The following TET1 variants were observed in gnomAD, a reference collection of about 807,000 sequenced individuals.
TET1 encodes tet methylcytosine dioxygenase 1.
TET1 carries 13 observed loss-of-function variants against 148.7 expected under a neutral mutation model. That is an observed-to-expected ratio of 0.09 (90% CI 0.06 to 0.14). The LOEUF is 0.14. TET1 is among the 10% of genes least tolerant of loss of function. The pLI, the probability that TET1 is intolerant of heterozygous loss-of-function variation, is 1.00. For missense variants in TET1, 2,182 were observed against 2,553.8 expected, an observed-to-expected ratio of 0.85 and a Z score of 3.14; for synonymous variants, 907 against 937.2, an observed-to-expected ratio of 0.97 and a Z score of 0.59.
chr10:68,643,591 CG>C, intron 3 of TET1, among the ~76,000 whole-genome samples: 1 of 152,028 alleles, frequency 6.6e-6, no homozygotes, highest in Non-Finnish European at 1.5e-5. Flanking sequence ...GAGGCTGAGG[CG>C]GGCAGATCAC....
At chr10:68,597,138 A>G (rs1003696383) in intron 2 of TET1, among the ~76,000 whole-genome samples, 2 of 146,864 alleles carry the variant, frequency 1.4e-5, no homozygotes, top group African/African-American at 5.1e-5. Flanking sequence ...GGTTCAAGTG[A>G]TCCTCCTGCC....
At chr10:68,654,972 A>G (rs1238014723) in intron 6 of TET1, among the ~76,000 whole-genome samples, 4 of 152,186 alleles carry the variant, frequency 2.6e-5, no homozygotes, top group Non-Finnish European at 5.9e-5. Flanking sequence ...AAATGTTTTC[A>G]TAACACAGCA....
At chr10:68,663,028 G>A (rs1487712922) in intron 6 of TET1, among the ~76,000 whole-genome samples, 1 of 152,192 alleles carries the variant, frequency 6.6e-6, no homozygotes, top group African/African-American at 2.4e-5. Context: ...CTTGAGGGTT[G>A]GAGAATTACC....
chr10:68,627,672 A>T (rs1192084515), intron 3 of TET1, among the ~76,000 whole-genome samples: 1 of 151,816 alleles, frequency 6.6e-6, no homozygotes, highest in Non-Finnish European at 1.5e-5. Context: ...TCACGCTGTA[A>T]TCCTAGCACT....
Position 68,574,167 on chromosome 10 carries a change from A to C in TET1, c.1829A>C (p.Lys610Thr). The change falls in exon 2 of 12, where the codon AAG becomes ACG. Residue 610 changes from lysine (K) to threonine (T), a missense_variant. Around this residue, in one of 11 missense-constraint regions of TET1, gnomAD observed 226 missense variants for 307.4 expected, o/e 0.74. Coordinates refer to ENST00000373644, the MANE Select transcript of TET1 (RefSeq NM_030625.3). ...AACTGTGGTGAATGCACTTACTGCA[A>C]GAACAGAAAGAACAGCCATCAGATC... The part of the protein sequence containing the change: ...KTNCGECTYC[K>T]NRKNSHQICK... The C allele has an allele frequency of 6.2e-7, 1 of 1,613,880 alleles. No homozygotes were observed. The highest frequency in any genetic ancestry group is 8.5e-7 in the Non-Finnish European group (1 of 1,180,038).
intron 2 of TET1, among the ~76,000 whole-genome samples, chr10:68,600,457 G>A (rs757520414): frequency 3.3e-5 from 5 of 152,170 alleles, no homozygotes; most frequent in Non-Finnish European, 7.3e-5. Flanking sequence ...TGTGGTGAGA[G>A]CCGAGCCGCA....
At position 68,595,386 on chromosome 10, in the gene TET1, G is replaced by A. The variant is rs550673261; in HGVS notation, c.1915-5595G>A. Reference sequence around the variant, plus strand: ...GGAGAGGAGAGCGCGGGACATATTGGAAGGAAATTGTGTTTCGGTCTTCAG... The same window carrying A: ...GGAGAGGAGAGCGCGGGACATATTGAAAGGAAATTGTGTTTCGGTCTTCAG... On this transcript the variant is annotated intron_variant, in intron 2 of 11. Transcript: ENST00000373644. 5.2e-4 allele frequency among the ~76,000 whole-genome samples: 79 copies of A among 152,084 alleles called. 1 individual carries two copies. In the South Asian group the frequency reaches 5.8e-3, roughly 11 times the overall value.
At chr10:68,669,474 C>CT (rs3085667) in intron 7 of TET1, among the ~76,000 whole-genome samples, 1,322 of 61,600 alleles carry the variant, frequency 0.021, 56 homozygotes, top group African/African-American at 0.075. Flanking sequence ...CCATGCCCAG[C>CT]TTTTTTTTTT....
In TET1 at chr10:68,626,718, T is replaced by G. The variant is rs571697029; in HGVS notation, c.1969-17980T>G. Reference sequence around the variant, plus strand: ...GGTATGCGCCACCACACCCAGCAATTTTTTTATATTTTTGGTAGAGACGGG... The same window carrying G: ...GGTATGCGCCACCACACCCAGCAATGTTTTTATATTTTTGGTAGAGACGGG... On this transcript the variant is annotated intron_variant, in intron 3 of 11. Transcript: ENST00000373644. 3.3e-5 allele frequency among the ~76,000 whole-genome samples: 5 copies of G among 151,498 alleles called. No individual in the cohort carries two copies. In the East Asian group the frequency reaches 9.8e-4, roughly 30 times the overall value.
chr10:68,615,147 G>A (rs1481773127), intron 3 of TET1, among the ~76,000 whole-genome samples: 1 of 151,912 alleles, frequency 6.6e-6, no homozygotes, highest in Non-Finnish European at 1.5e-5. Flanking sequence ...TGGCCAGGCT[G>A]GTCTCGAACT....
At chr10:68,587,606 C>A (rs986681558) in intron 2 of TET1, among the ~76,000 whole-genome samples, 2 of 152,024 alleles carry the variant, frequency 1.3e-5, no homozygotes, top group South Asian at 2.1e-4. Flanking sequence ...AACCAATAAC[C>A]TTTATTAATT....
At chr10:68,669,557 T>C (rs1300530947) in intron 7 of TET1, among the ~76,000 whole-genome samples, 1 of 146,158 alleles carries the variant, frequency 6.8e-6, no homozygotes, top group Admixed American at 7.0e-5. Context: ...GGTTTCACCA[T>C]GTTAGCCAGG....
chr10:68,632,145 C>A (rs540010888), intron 3 of TET1, among the ~76,000 whole-genome samples: 1 of 151,964 alleles, frequency 6.6e-6, no homozygotes, highest in African/African-American at 2.4e-5. Context: ...CATGGTGAAA[C>A]CCTGTCTCTA....
chr10:68,640,266 AT>A (rs530716761), intron 3 of TET1, among the ~76,000 whole-genome samples: 30 of 138,338 alleles, frequency 2.2e-4, no homozygotes, highest in East Asian at 6.3e-4. Flanking sequence ...TCTACCTTAA[AT>A]TTTTTTTTTT....
At chr10:68,619,050 G>T (rs1045480816) in intron 3 of TET1, among the ~76,000 whole-genome samples, 10 of 152,078 alleles carry the variant, frequency 6.6e-5, no homozygotes, top group African/African-American at 2.4e-4. Context: ...AGGAATTAAA[G>T]GTACAAAGGA....
chr10:68,630,457 G>A lies in TET1; in HGVS notation c.1969-14241G>A, dbSNP rs564356956. Reference sequence around the variant, plus strand: ...CTCCTCCTGAGTAGCTAGGATTTTAGGCACCTGCCACCACGCCCAGCTCAT... The same window carrying A: ...CTCCTCCTGAGTAGCTAGGATTTTAAGCACCTGCCACCACGCCCAGCTCAT... On this transcript the variant is annotated intron_variant, in intron 3 of 11. Coordinates refer to ENST00000373644, the MANE Select transcript of TET1 (RefSeq NM_030625.3). 2.6e-5 allele frequency among the ~76,000 whole-genome samples: 4 copies of A among 152,268 alleles called. No homozygotes were observed. The East Asian group carries it at 5.8e-4, about 22-fold the overall frequency.
intron 3 of TET1, among the ~76,000 whole-genome samples, chr10:68,628,360 G>A (rs1236759834): frequency 7.9e-5 from 12 of 152,216 alleles, no homozygotes; most frequent in African/African-American, 2.7e-4. Context: ...AGAAGGTGTC[G>A]TCGTTAAGTT....
intron 3 of TET1, among the ~76,000 whole-genome samples, chr10:68,641,060 C>T (rs2054745710): frequency 6.6e-6 from 1 of 150,654 alleles, no homozygotes; most frequent in African/African-American, 2.4e-5. Context: ...CTAGATACAA[C>T]AGGAGTAACT....
intron 1 of TET1, among the ~76,000 whole-genome samples, chr10:68,563,844 G>A (rs2053579997): frequency 6.6e-6 from 1 of 152,092 alleles, no homozygotes; most frequent in Non-Finnish European, 1.5e-5. Context: ...ACCACACCTG[G>A]CTAATTTTTG....
Sources: gnomAD v4.1 joint callset for allele counts (sites outside exome capture counted in the v4.1 genomes callset) on GRCh38, gnomAD v4.1.1 for gene constraint, gnomAD v4.1.1 regional missense constraint, MANE v1.5 for transcripts, NCBI Gene and HGNC (gene_info 2026-07-23, HGNC 2026-07-21) for gene names.